RASGRF1: variants seen among roughly 807,000 people sequenced by gnomAD.
The protein encoded by RASGRF1 is Ras protein specific guanine nucleotide releasing factor 1.
In RASGRF1, 40 loss-of-function variants were observed where a neutral mutation model predicts 138.7. The observed-to-expected ratio is 0.29, with a 90% CI of 0.22 to 0.38. The LOEUF (loss-of-function observed/expected upper bound fraction) is 0.38, where lower values mean the gene tolerates loss of function less well. RASGRF1 is among the 10% of genes least tolerant of loss of function. The pLI is 1.00. For synonymous variants in RASGRF1, 614 were observed against 663.2 expected (o/e 0.93, Z 1.14); for missense variants, 1,108 against 1,650.4 (o/e 0.67, Z 5.69).
chr15:79,079,958 T>C (rs2057892504), intron 1 of RASGRF1, among the ~76,000 whole-genome samples: 1 of 152,196 alleles, frequency 6.6e-6, no homozygotes, highest in Non-Finnish European at 1.5e-5. Context: ...CTGAGCATGC[T>C]CAGCCTCCCC....
intron 2 of RASGRF1, 31 bp from the exon 3 acceptor site, chr15:79,058,512 G>A: frequency 1.2e-6 from 2 of 1,609,662 alleles, no homozygotes; most frequent in Non-Finnish European, 1.7e-6. Flanking sequence ...CAGGTAAGAT[G>A]CTGACTCCTT....
rs116885728 is a variant in RASGRF1 at position 79,048,445 on chromosome 15, G to A, written c.624+1051C>T. ...TAAATACTTAGCTGTGTGACCTTGG[G>A]CAAGTTCCTTTGCCTCTCTGTGTCT... On this transcript the variant is annotated intron_variant, in intron 4 of 26. Transcript: ENST00000558480. Among the ~76,000 whole-genome samples, 1,319 of 152,296 alleles carry A rather than the reference G, an allele frequency of 8.7e-3. 10 individuals carry two copies. The highest frequency in any genetic ancestry group is 0.048 in the Middle Eastern group (14 of 294).
At chr15:79,017,445 T>A (rs186084764) in intron 12 of RASGRF1, among the ~76,000 whole-genome samples, 3 of 152,266 alleles carry the variant, frequency 2.0e-5, no homozygotes, top group African/African-American at 7.2e-5. Flanking sequence ...TGCCAACAAT[T>A]TAGATCTGTA....
intron 1 of RASGRF1, among the ~76,000 whole-genome samples, chr15:79,079,022 GC>G (rs1566970765): frequency 6.6e-6 from 1 of 152,238 alleles, no homozygotes; most frequent in Admixed American, 6.5e-5. Flanking sequence ...GCCCTTGAAA[GC>G]CCCCCTCTTT....
In RASGRF1 at chr15:78,978,224, T is replaced by C. The variant is rs1295368909; in HGVS notation, c.3494+2396A>G. ...TTTTTCTTTTTCTTTTCTTTTGTTT[T>C]TTTTTTTTTTTTTTTTTTTTGAGAC... On this transcript the variant is annotated intron_variant, in intron 24 of 26. Coordinates refer to ENST00000558480, the MANE Select transcript of RASGRF1 (RefSeq NM_001145648.3). 6.6e-3 allele frequency among the ~76,000 whole-genome samples: 193 copies of C among 29,234 alleles called. 1 individual carries two copies. Among genetic ancestry groups the C allele is most frequent in the Middle Eastern group, 0.028 (1 of 36 alleles). The allele number at this position is 29,234 out of a possible 152,430, so 19.2% of individuals were successfully genotyped here.
In RASGRF1 at chr15:79,006,362, C is replaced by T. The variant is rs1185549736; in HGVS notation, c.1899G>A (p.Leu633=). 8.7e-6 allele frequency: 14 copies of T among 1,614,086 alleles called. No homozygotes were observed. Among genetic ancestry groups the T allele is most frequent in the Admixed American group, 1.7e-5 (1 of 60,000 alleles). The change falls in exon 14 of 27, where the codon CTG becomes CTA. Residue 633 remains leucine, a synonymous_variant. Transcript: ENST00000558480. The surrounding 1 kb of genome is among the most constrained non-coding windows in gnomAD (Gnocchi z 4.0). Reference sequence around the variant, plus strand: ...GCTCCACACTGGCGTAGCGGATCTGCAGCACTTTGCAGGAGTTCATGGTTT... The same window carrying T: ...GCTCCACACTGGCGTAGCGGATCTGTAGCACTTTGCAGGAGTTCATGGTTT... ...FSKTMNSCKV[L]QIRYASVERL...
intron 8 of RASGRF1, among the ~76,000 whole-genome samples, chr15:79,028,545 G>A (rs1309607978): frequency 6.6e-6 from 1 of 152,062 alleles, no homozygotes; most frequent in African/African-American, 2.4e-5. Flanking sequence ...CTCTCCAAGA[G>A]ATGGCGCCAT....
intron 24 of RASGRF1, among the ~76,000 whole-genome samples, chr15:78,979,520 G>A (rs1027974577): frequency 2.0e-5 from 3 of 152,322 alleles, no homozygotes; most frequent in South Asian, 2.1e-4. Context: ...AAGGTCTGGC[G>A]AGTAGCCAGT....
intron 3 of RASGRF1, among the ~76,000 whole-genome samples, chr15:79,051,707 G>A (rs185839455): frequency 4.1e-4 from 63 of 152,320 alleles, no homozygotes; most frequent in African/African-American, 1.5e-3. Flanking sequence ...ACAGGGACTA[G>A]GGCAGAAAAT....
Position 79,027,980 on chromosome 15 carries a change from G to A in RASGRF1, c.1263-121C>T, listed in dbSNP as rs907244437. 16 of 1,017,178 alleles carry A rather than the reference G, an allele frequency of 1.6e-5. No individual in the cohort carries two copies. Among genetic ancestry groups the A allele is most frequent in the Non-Finnish European group, 2.3e-5 (15 of 665,542 alleles). 63.0% of individuals were successfully genotyped at this position (1,017,178 alleles called of 1,614,324 possible). On this transcript the variant is annotated intron_variant, in intron 8 of 26. Transcript: ENST00000558480. The surrounding 1 kb of genome is among the most constrained non-coding windows in gnomAD (Gnocchi z 4.8). ...CCTGGCACAAGGATTCTCAGGTGGA[G>A]TCTGTGGTCATGGAGGGGAAGGGAG...
At chr15:79,035,068 G>A (rs2057199070) in intron 6 of RASGRF1, 63 bp downstream of exon 6, 1 of 1,419,884 alleles carries the variant, frequency 7.0e-7, no homozygotes, top group Non-Finnish European at 9.7e-7. Context: ...ACTGCCCCAG[G>A]CTTTTGGGGT....
chr15:79,034,288 G>GA (rs529472193), intron 6 of RASGRF1, among the ~76,000 whole-genome samples: 32 of 144,630 alleles, frequency 2.2e-4, no homozygotes, highest in East Asian at 4.0e-4. Context: ...TTAAGAAAGT[G>GA]AAAAAAAAAA....
chr15:79,083,616 T>C (rs1275997126), intron 1 of RASGRF1, among the ~76,000 whole-genome samples: 1 of 152,220 alleles, frequency 6.6e-6, no homozygotes, highest in Non-Finnish European at 1.5e-5. Context: ...CTCCATGTAT[T>C]TTGGCAATAG....
chr15:78,985,029 G>A lies in RASGRF1; in HGVS notation c.3392C>T (p.Thr1131Met). Residue 1131 changes from threonine to methionine, a missense_variant, in exon 23 of 27, where the codon ACG (threonine) becomes ATG (methionine). Thr to Met is a moderately conservative substitution (Grantham distance 81). Coordinates refer to ENST00000558480, the MANE Select transcript of RASGRF1 (RefSeq NM_001145648.3). Reference protein sequence around the residue: ...NRSAIFRLKKTWLKVSKQTKA... With the variant: ...NRSAIFRLKKMWLKVSKQTKA... ...CACCTGCTTAGAGACTTTGAGCCACGTCTTTTTGAGCCGGAAGATTGCACT... is the reference window on the plus strand; with the variant it reads ...CACCTGCTTAGAGACTTTGAGCCACATCTTTTTGAGCCGGAAGATTGCACT... 2 of 1,614,140 alleles carry A rather than the reference G, an allele frequency of 1.2e-6. No homozygotes were observed. The highest frequency in any genetic ancestry group is 1.7e-6 in the Non-Finnish European group (2 of 1,180,006).
rs537269469 is a variant in RASGRF1, at chr15:79,007,571, G to A, written c.1827-1137C>T. 1.1e-4 allele frequency among the ~76,000 whole-genome samples: 14 copies of A among 121,834 alleles called. No homozygotes were observed. The East Asian group carries it at 1.9e-3, about 17-fold the overall frequency. The allele number at this position is 121,834 out of a possible 152,430, so 79.9% of individuals were successfully genotyped here. A position where few individuals can be genotyped will look rare whatever the true frequency, so the allele number is the denominator to read the frequency against. On this transcript the variant is annotated intron_variant, in intron 13 of 26. Transcript: ENST00000558480. ...TTTTTTTTTTTTTTTTTTTTAATGA[G>A]ATAAGGTCTCATTTGCTCAGGCTGG...
At chr15:79,005,380 C>T in intron 14 of RASGRF1, 2 of 985,352 alleles carry the variant, frequency 2.0e-6, no homozygotes, top group Non-Finnish European at 2.4e-6. Flanking sequence ...AATGTCTTGC[C>T]TAGGGTGTTT....
At chr15:79,011,120 T>C (rs565260235) in intron 13 of RASGRF1, among the ~76,000 whole-genome samples, 47 of 152,166 alleles carry the variant, frequency 3.1e-4, no homozygotes, top group Admixed American at 1.4e-3. Context: ...ATTCTCCCCA[T>C]AAGAGTGGCT....
At chr15:79,005,811 TC>T (rs2056660020) in intron 14 of RASGRF1, 1 of 259,462 alleles carries the variant, frequency 3.9e-6, no homozygotes, top group South Asian at 1.5e-4. Context: ...CTGTCCTCCT[TC>T]CCCTCCTCAT....
chr15:78,979,004 G>A, intron 24 of RASGRF1: 1 of 1,293,086 alleles, frequency 7.7e-7, no homozygotes, highest in Non-Finnish European at 1.0e-6. Context: ...CCCAGAGGCA[G>A]TGGAGGCAGC....
Sources: allele counts gnomAD v4.1 joint callset (sites outside exome capture counted in the v4.1 genomes callset), GRCh38; gene constraint gnomAD v4.1.1; non-coding constraint Gnocchi (gnomAD v3.1); transcripts MANE v1.5; gene names NCBI Gene and HGNC (gene_info 2026-07-23, HGNC 2026-07-21).